The following UBXN2A variants were observed in gnomAD, a reference collection of about 807,000 sequenced individuals.
UBXN2A encodes UBX domain protein 2A.
In UBXN2A, 28 loss-of-function variants were observed where a neutral mutation model predicts 28.4. The observed-to-expected ratio is 0.99, with a 90% confidence interval of 0.73 to 1.35. The LOEUF (loss-of-function observed/expected upper bound fraction) is 1.35, where lower values mean the gene tolerates loss of function less well. UBXN2A is among the 40% of genes most tolerant of loss of function. UBXN2A has a pLI of 0.00. For synonymous variants in UBXN2A, 97 were observed against 103.6 expected, an observed-to-expected ratio of 0.94 and a Z score of 0.39; for missense variants, 253 against 297.9, an observed-to-expected ratio of 0.85 and a Z score of 1.11.
chr2:23,993,239 C>G (rs1428621047), intron 6 of UBXN2A, among the ~76,000 whole-genome samples: 3 of 152,134 alleles, frequency 2.0e-5, no homozygotes, highest in Non-Finnish European at 4.4e-5. Context: ...CTGGCCCAAG[C>G]TTATTTGTTT....
chr2:23,983,118 T>C (rs1288523763), intron 5 of UBXN2A, 85 bp downstream of exon 5: 4 of 1,330,556 alleles, frequency 3.0e-6, no homozygotes, highest in Non-Finnish European at 3.9e-6. Context: ...GTAGACCACA[T>C]GAATGGAGCT....
At chr2:23,956,240 C>G (rs1298392217) in intron 1 of UBXN2A, among the ~76,000 whole-genome samples, 3 of 151,922 alleles carry the variant, frequency 2.0e-5, no homozygotes, top group Admixed American at 2.0e-4. Context: ...GGAGCAGAAT[C>G]CACTAGTATT....
chr2:23,975,578 T>C (rs1286949429), intron 3 of UBXN2A, among the ~76,000 whole-genome samples: 1 of 152,116 alleles, frequency 6.6e-6, no homozygotes, highest in Non-Finnish European at 1.5e-5. Context: ...GAAAGGCTTA[T>C]GTTGAAAAAA....
chr2:23,958,052 A>G (rs1255742639), intron 1 of UBXN2A, among the ~76,000 whole-genome samples: 2 of 152,220 alleles, frequency 1.3e-5, no homozygotes, highest in African/African-American at 4.8e-5. Context: ...TGCCCAGTTC[A>G]TTTGTTAAGT....
chr2:23,977,173 G>A, intron 4 of UBXN2A, 98 bp downstream of exon 4: 2 of 893,606 alleles, frequency 2.2e-6, no homozygotes, highest in East Asian at 5.0e-5. Context: ...AGGCCAGCCG[G>A]GGAACATAGC....
At chr2:23,928,517 C>T (rs1426057764) in intron 1 of UBXN2A, among the ~76,000 whole-genome samples, 1 of 151,228 alleles carries the variant, frequency 6.6e-6, no homozygotes, top group Non-Finnish European at 1.5e-5. Context: ...GCAGAGATTG[C>T]AGTAAGCCAA....
At chr2:23,938,232 G>A (rs895128142), upstream of UBXN2A, among the ~76,000 whole-genome samples, 10 of 152,138 alleles carry the variant, frequency 6.6e-5, no homozygotes, top group East Asian at 1.7e-3. Context: ...TTGGGAGGCC[G>A]AGGCGGGTGG....
In UBXN2A at chr2:23,982,995, G is replaced by C; in HGVS notation, c.387G>C (p.Val129=). The change falls in exon 5 of 7, where the codon GTG becomes GTC. Residue 129 remains valine, a synonymous_variant. Coordinates refer to ENST00000309033, the MANE Select transcript of UBXN2A (RefSeq NM_181713.4). ...KNEICLSTKP[V]FQPFSGQGHR... Reference sequence around the variant, plus strand: ...AAATATGTTTGTCTACGAAGCCTGTGTTCCAGCCCTTTTCAGGACAGGGTC... The same window carrying C: ...AAATATGTTTGTCTACGAAGCCTGTCTTCCAGCCCTTTTCAGGACAGGGTC... 1 of 1,610,460 alleles carries C rather than the reference G, an allele frequency of 6.2e-7. No homozygotes were observed. The highest frequency in any genetic ancestry group is 8.5e-7 in the Non-Finnish European group (1 of 1,178,112).
upstream of UBXN2A, among the ~76,000 whole-genome samples, chr2:23,936,454 AATC>A (rs1391972159): frequency 6.6e-6 from 1 of 152,126 alleles, no homozygotes; most frequent in Non-Finnish European, 1.5e-5. Context: ...TCAGACCTGT[AATC>A]ATAGCACTTT....
intron 6 of UBXN2A, among the ~76,000 whole-genome samples, chr2:23,989,461 T>G (rs1296010596): frequency 6.6e-6 from 1 of 151,724 alleles, no homozygotes; most frequent in African/African-American, 2.4e-5. Context: ...CCCTGTTGCC[T>G]AGGCTGGTCT....
chr2:23,994,182 G>T (rs1285782495), intron 6 of UBXN2A, among the ~76,000 whole-genome samples: 1 of 151,956 alleles, frequency 6.6e-6, no homozygotes, highest in African/African-American at 2.4e-5. Flanking sequence ...CCTTTTTCTT[G>T]CTCTTTTGAA....
chr2:23,977,033 C>A lies in UBXN2A; in HGVS notation c.245C>A (p.Ser82Tyr). ...GTCAACGACGATTTCAGAAGTTATTCCGATGGTGCCAGTCAGCAGTTTTTG... is the reference window on the plus strand; with the variant it reads ...GTCAACGACGATTTCAGAAGTTATTACGATGGTGCCAGTCAGCAGTTTTTG... ...FTVNDDFRSY[S>Y]DGASQQFLNS... Residue 82 changes from serine to tyrosine, a missense_variant, in exon 4 of 7, where the codon TCC becomes TAC. Physicochemically the swap from Ser to Tyr is moderately radical, Grantham distance 144. Coordinates refer to ENST00000309033, the MANE Select transcript of UBXN2A (RefSeq NM_181713.4). 1 of 1,612,392 alleles carries A rather than the reference C, an allele frequency of 6.2e-7. No individual in the cohort carries two copies. The highest frequency in any genetic ancestry group is 8.5e-7 in the Non-Finnish European group (1 of 1,178,774).
At chr2:23,932,988 C>T (rs949723282) in intron 1 of UBXN2A, among the ~76,000 whole-genome samples, 10 of 152,052 alleles carry the variant, frequency 6.6e-5, no homozygotes, top group Admixed American at 5.2e-4. Flanking sequence ...GCCTGTAGTC[C>T]CAGCTACTCA....
intron 1 of UBXN2A, among the ~76,000 whole-genome samples, chr2:23,951,577 C>T (rs1044078752): frequency 1.3e-5 from 2 of 151,824 alleles, no homozygotes; most frequent in South Asian, 2.1e-4. Flanking sequence ...TCTCCTGCCT[C>T]AGCCTCTGGA....
At chr2:23,971,591 C>T (rs1328560484) in intron 3 of UBXN2A, among the ~76,000 whole-genome samples, 177 bp downstream of exon 3, 1 of 152,112 alleles carries the variant, frequency 6.6e-6, no homozygotes, top group Non-Finnish European at 1.5e-5. Flanking sequence ...TGGGTTCAAG[C>T]AGTCCTCCTG....
intron 1 of UBXN2A, chr2:23,944,480 C>T (rs1386141121): frequency 3.0e-6 from 2 of 656,876 alleles, no homozygotes; most frequent in Non-Finnish European, 5.6e-6. Context: ...CTTTCAGATC[C>T]CCTTGGAACA....
chr2:23,976,965 G>T lies in UBXN2A; in HGVS notation c.181-4G>T. The stretch of plus-strand genomic sequence containing the variant: ...GACGCATTTTGTTTCCTACTGTTTT[G>T]CAGGTAGATGTAAATATAAAATTAT... On this transcript the variant is annotated splice_polypyrimidine_tract_variant and splice_region_variant and intron_variant, in intron 3 of 6. Coordinates refer to ENST00000309033, the MANE Select transcript of UBXN2A (RefSeq NM_181713.4). 1.9e-6 allele frequency: 3 copies of T among 1,602,688 alleles called. No individual in the cohort carries two copies. The highest frequency in any genetic ancestry group is 4.5e-5 in the East Asian group (2 of 44,668).
intron 2 of UBXN2A, among the ~76,000 whole-genome samples, chr2:23,962,399 C>G (rs535269057): frequency 7.6e-4 from 115 of 151,944 alleles, no homozygotes; most frequent in African/African-American, 2.7e-3. Context: ...GAAAAGGCAG[C>G]CTATGGAATG....
chr2:23,935,831 C>G (rs1223016615), upstream of UBXN2A, among the ~76,000 whole-genome samples: 1 of 152,104 alleles, frequency 6.6e-6, no homozygotes, highest in Non-Finnish European at 1.5e-5. Context: ...GGGTGGATCA[C>G]CAGAGGTCAG....
Sources: allele counts gnomAD v4.1 joint callset (sites outside exome capture counted in the v4.1 genomes callset), GRCh38; gene constraint gnomAD v4.1.1; transcripts MANE v1.5; gene names NCBI Gene and HGNC (gene_info 2026-07-23, HGNC 2026-07-21).